HDAC4: variants seen among roughly 807,000 people sequenced by gnomAD.
The protein encoded by HDAC4 is histone deacetylase 4, also known as histone deacetylase A.
In HDAC4, 16 loss-of-function variants were observed where a neutral mutation model predicts 135.1. The ratio of observed to expected loss-of-function variants is 0.12; its 90% CI spans 0.08 to 0.18. The LOEUF (loss-of-function observed/expected upper bound fraction) is 0.18, where lower values mean the gene tolerates loss of function less well. Ranked by LOEUF, HDAC4 falls within the 10% of genes least tolerant of loss-of-function variation. HDAC4 has a pLI of 1.00. For missense variants in HDAC4, 1,143 were observed against 1,511.8 expected, an observed-to-expected ratio of 0.76 and a Z score of 4.05; for synonymous variants, 685 against 653.4, an observed-to-expected ratio of 1.05 and a Z score of -0.74.
chr2:239,166,139 T>C (rs1342079611), intron 5 of HDAC4, among the ~76,000 whole-genome samples: 1 of 152,198 alleles, frequency 6.6e-6, no homozygotes, highest in Non-Finnish European at 1.5e-5. Flanking sequence ...GCTCATTCTG[T>C]GTTCCCTACG....
At chr2:239,123,103 T>C (rs1254479639) in intron 12 of HDAC4, among the ~76,000 whole-genome samples, 3 of 152,156 alleles carry the variant, frequency 2.0e-5, no homozygotes, top group African/African-American at 7.2e-5. Flanking sequence ...GAGTACCCGG[T>C]TTCTAAATCC....
intron 1 of HDAC4, among the ~76,000 whole-genome samples, chr2:239,355,451 G>A (rs1420164146): frequency 1.3e-5 from 2 of 152,158 alleles, no homozygotes; most frequent in Non-Finnish European, 2.9e-5. Flanking sequence ...TTTTAACTAA[G>A]CCATGAACTC....
At chr2:239,150,206 C>A (rs1428018419) in intron 7 of HDAC4, among the ~76,000 whole-genome samples, 1 of 152,118 alleles carries the variant, frequency 6.6e-6, no homozygotes, top group Non-Finnish European at 1.5e-5. Flanking sequence ...AACACAGGTA[C>A]ACACACAGAC....
intron 1 of HDAC4, among the ~76,000 whole-genome samples, chr2:239,359,375 G>C (rs1268359783): frequency 6.6e-6 from 1 of 152,236 alleles, no homozygotes; most frequent in Admixed American, 6.5e-5. Flanking sequence ...GCACAGCCAA[G>C]CTAATGGGAA....
At chr2:239,354,154 A>G (rs1434217302) in intron 1 of HDAC4, among the ~76,000 whole-genome samples, 2 of 152,176 alleles carry the variant, frequency 1.3e-5, no homozygotes, top group Non-Finnish European at 2.9e-5. Flanking sequence ...ACGAACCTCT[A>G]GTGATACAGC....
chr2:239,332,378 A>G (rs1427499738), intron 2 of HDAC4, among the ~76,000 whole-genome samples: 1 of 152,224 alleles, frequency 6.6e-6, no homozygotes, highest in Non-Finnish European at 1.5e-5. Context: ...AAAAACTGAA[A>G]TTACATAAAA....
At chr2:239,073,464 C>A (rs1447091586) in intron 22 of HDAC4, among the ~76,000 whole-genome samples, 1 of 152,212 alleles carries the variant, frequency 6.6e-6, no homozygotes, top group Non-Finnish European at 1.5e-5. Context: ...CCTTGTGGTG[C>A]CCAAGACAGG....
chr2:239,294,469 G>A (rs747173031), intron 2 of HDAC4, among the ~76,000 whole-genome samples: 18 of 152,280 alleles, frequency 1.2e-4, no homozygotes, highest in African/African-American at 4.3e-4. Context: ...AGGAGGTCGC[G>A]CCACTGTGTT....
rs1012814998 is a variant in HDAC4 at position 239,236,667 on chromosome 2, G to A, written c.23-3C>T. The A allele has an allele frequency of 7.1e-6, 11 of 1,551,240 alleles. No homozygotes were observed. The highest frequency in any genetic ancestry group is 9.6e-6 in the Non-Finnish European group (11 of 1,146,684). ...CTGGTCTCGGCCAGAAAGTCCATCT[G>A]GAGAACAGAGAAGGCACTGGCTTCA... is the stretch of plus-strand genomic sequence containing the variant. On this transcript the variant is annotated splice_region_variant and splice_polypyrimidine_tract_variant and intron_variant, in intron 2 of 26. Coordinates refer to ENST00000543185, the MANE Select transcript of HDAC4 (RefSeq NM_001378414.1).
At chr2:239,117,701 C>T (rs2039268620) in intron 12 of HDAC4, among the ~76,000 whole-genome samples, 1 of 152,094 alleles carries the variant, frequency 6.6e-6, no homozygotes, top group Non-Finnish European at 1.5e-5. Flanking sequence ...AAGAACGTCC[C>T]ACAATCCCAA....
rs534802443 is a variant in HDAC4 at position 239,261,824 on chromosome 2, A to C, written c.23-25160T>G. 2.4e-4 allele frequency among the ~76,000 whole-genome samples: 36 copies of C among 152,312 alleles called. No individual in the cohort carries two copies. In the South Asian group the frequency reaches 7.3e-3, roughly 31 times the overall value. ...CCAGAACCTTCCCTCGCTCCTTAAC[A>C]GTGGCAGGAGCCCGGCAGGGACACC... On this transcript the variant is annotated intron_variant, in intron 2 of 26. Transcript: ENST00000543185.
At chr2:239,110,997 C>G (rs191719546) in intron 14 of HDAC4, among the ~76,000 whole-genome samples, 1 of 152,214 alleles carries the variant, frequency 6.6e-6, no homozygotes. Flanking sequence ...ATCGCCTCCC[C>G]GGGGTGAGGA....
At chr2:239,112,223 G>A (rs573018005) in intron 13 of HDAC4, among the ~76,000 whole-genome samples, 13 of 152,324 alleles carry the variant, frequency 8.5e-5, no homozygotes, top group Admixed American at 5.9e-4. Context: ...GGACCACAGC[G>A]TCCACTCTGC....
intron 1 of HDAC4, among the ~76,000 whole-genome samples, chr2:239,360,814 CT>C (rs1693817316): frequency 1.3e-5 from 2 of 152,240 alleles, no homozygotes; most frequent in East Asian, 1.9e-4. Context: ...CTTATCACCC[CT>C]GAGCCTGATT....
intron 8 of HDAC4, among the ~76,000 whole-genome samples, chr2:239,140,109 C>T (rs2041259160): frequency 6.6e-6 from 1 of 152,208 alleles, no homozygotes; most frequent in Non-Finnish European, 1.5e-5. Context: ...GACCTAACAA[C>T]AGAAGACCAG....
chr2:239,163,207 T>C lies in HDAC4; in HGVS notation c.611+596A>G, dbSNP rs950836223. Among the ~76,000 whole-genome samples, 11 of 152,256 alleles carry C rather than the reference T, an allele frequency of 7.2e-5. No individual in the cohort carries two copies. In the East Asian group the frequency reaches 9.7e-4, roughly 13 times the overall value. On this transcript the variant is annotated intron_variant, in intron 6 of 26. Coordinates refer to ENST00000543185, the MANE Select transcript of HDAC4 (RefSeq NM_001378414.1). ...GGCAGGGTTTCTTAGTATAAAATAA[T>C]AGAAGTACCACGGGGGCTTCCTGAC...
At chr2:239,298,123 TA>T in intron 2 of HDAC4, 2 of 1,064,592 alleles carry the variant, frequency 1.9e-6, no homozygotes, top group Non-Finnish European at 2.6e-6. Context: ...ATTAATGGAC[TA>T]AAACATAAAC....
intron 13 of HDAC4, among the ~76,000 whole-genome samples, chr2:239,114,783 G>A (rs924333049): frequency 6.6e-6 from 1 of 152,152 alleles, no homozygotes; most frequent in Non-Finnish European, 1.5e-5. Context: ...CAGACAGGAA[G>A]GAAATCCATT....
intron 16 of HDAC4, among the ~76,000 whole-genome samples, 166 bp from the exon 17 acceptor site, chr2:239,095,222 T>C (rs527338359): frequency 1.3e-5 from 2 of 152,182 alleles, no homozygotes; most frequent in Non-Finnish European, 2.9e-5. Context: ...GCAGGGTCAG[T>C]GTCTGGCCCT....
Sources: gnomAD v4.1 joint callset for allele counts (sites outside exome capture counted in the v4.1 genomes callset) on GRCh38, gnomAD v4.1.1 for gene constraint, MANE v1.5 for transcripts, NCBI Gene and HGNC (gene_info 2026-07-23, HGNC 2026-07-21) for gene names.